KIAA0825: variants seen among roughly 807,000 people sequenced by gnomAD.
KIAA0825 encodes the protein uncharacterized protein KIAA0825.
A neutral mutation model predicts 147.6 loss-of-function variants in KIAA0825; 119 were observed. That is an observed-to-expected ratio of 0.81 (90% CI 0.69 to 0.94). The LOEUF is 0.94. Among genes scored for constraint, KIAA0825 ranks in the 40% least tolerant of loss-of-function variants. The pLI is 0.00. For synonymous variants in KIAA0825, 470 were observed against 518.1 expected (o/e 0.91, Z 1.26); for missense variants, 1,381 against 1,472.7 (o/e 0.94, Z 1.02).
intron 20 of KIAA0825, among the ~76,000 whole-genome samples, chr5:94,370,723 A>G (rs1414220318): frequency 6.6e-6 from 1 of 152,032 alleles, no homozygotes; most frequent in Non-Finnish European, 1.5e-5. Context: ...TGGCTAACAC[A>G]GTGAAACCCC....
Position 94,543,448 on chromosome 5 carries a change from A to G in KIAA0825, c.-1-6321T>C, listed in dbSNP as rs1773730572. On this transcript the variant is annotated intron_variant, in intron 2 of 20. Coordinates refer to ENST00000682413, the MANE Select transcript of KIAA0825 (RefSeq NM_001145678.3). ...ACAGAGTGAGACTCTGTCTCAATAA[A>G]TAAGTAAATAAATAAAAATAAAAAT... Among the ~76,000 whole-genome samples the G allele has an allele frequency of 2.6e-5, 4 of 152,268 alleles. No individual in the cohort carries two copies. The South Asian group carries it at 8.3e-4, about 32-fold the overall frequency.
chr5:94,453,664 C>T (rs1005900322), intron 12 of KIAA0825, among the ~76,000 whole-genome samples: 3 of 152,050 alleles, frequency 2.0e-5, no homozygotes, highest in Non-Finnish European at 2.9e-5. Context: ...ACAATCTTTA[C>T]ACTTGGGGAA....
intron 20 of KIAA0825, among the ~76,000 whole-genome samples, chr5:94,175,642 C>T (rs896119186): frequency 2.0e-5 from 3 of 152,132 alleles, no homozygotes; most frequent in Admixed American, 1.3e-4. Flanking sequence ...ATTCTAACTT[C>T]AAATGTAACA....
intron 5 of KIAA0825, among the ~76,000 whole-genome samples, chr5:94,492,039 T>C (rs1763794413): frequency 6.6e-6 from 1 of 152,304 alleles, no homozygotes; most frequent in Non-Finnish European, 1.5e-5. Flanking sequence ...TGAATGTAAA[T>C]GAATCTGATT....
intron 20 of KIAA0825, among the ~76,000 whole-genome samples, chr5:94,269,179 C>T (rs1050492876): frequency 3.9e-5 from 6 of 152,018 alleles, no homozygotes; most frequent in African/African-American, 1.5e-4. Context: ...TCCGTAAAGA[C>T]ATAATACATT....
chr5:94,414,546 C>T (rs1475034910), intron 15 of KIAA0825: 1 of 152,108 alleles, frequency 6.6e-6, no homozygotes, highest in Non-Finnish European at 1.5e-5. Flanking sequence ...GTCATCCCTC[C>T]CTAGCTTATG....
At chr5:94,439,841 G>C (rs966855931) in intron 14 of KIAA0825, 141 bp downstream of exon 14, 24 of 810,350 alleles carry the variant, frequency 3.0e-5, no homozygotes, top group Non-Finnish European at 4.5e-5. Flanking sequence ...TAATGCTTTT[G>C]ACTGCTGCTA....
At chr5:94,391,804 C>T (rs753614711) in intron 17 of KIAA0825, 110 bp from the exon 18 acceptor site, 2 of 929,602 alleles carry the variant, frequency 2.2e-6, no homozygotes, top group Admixed American at 3.2e-5. Context: ...TTCAAAGCAT[C>T]CATAAAGACT....
intron 13 of KIAA0825, among the ~76,000 whole-genome samples, chr5:94,441,606 G>A (rs190032508): frequency 2.0e-5 from 3 of 152,264 alleles, no homozygotes; most frequent in Admixed American, 1.3e-4. Flanking sequence ...CTAAGAAGAG[G>A]CTGGAGAGTT....
At chr5:94,491,044 A>C (rs932938613) in intron 5 of KIAA0825, among the ~76,000 whole-genome samples, 3 of 152,148 alleles carry the variant, frequency 2.0e-5, no homozygotes, top group Non-Finnish European at 4.4e-5. Flanking sequence ...GTGGTAAGAT[A>C]CAAGAGAAAA....
rs1433236730 is a variant in KIAA0825, at chr5:94,154,055, A to G, written c.3780T>C (p.Ile1260=). The change falls in exon 21 of 21, where the codon ATT becomes ATC. Residue 1260 remains isoleucine (I), a synonymous_variant. Transcript: ENST00000682413. ...EKAILEHLKQ[I]CTPQNSSASD... ...AGGCAGAAGAGTTCTGTGGGGTGCA[A>G]ATTTGTTTTAAGTGCTCCAGTATTG... The G allele has an allele frequency of 8.4e-6, 13 of 1,551,634 alleles. No homozygotes were observed. The highest frequency in any genetic ancestry group is 1.4e-5 in the African/African-American group (1 of 73,152).
intron 2 of KIAA0825, among the ~76,000 whole-genome samples, chr5:94,553,449 A>C (rs1362458703): frequency 6.6e-6 from 1 of 150,432 alleles, no homozygotes; most frequent in Non-Finnish European, 1.5e-5. Flanking sequence ...TAAAAAAAAA[A>C]AGAAAAAAAA....
chr5:94,419,218 T>C (rs1035710748), intron 14 of KIAA0825, among the ~76,000 whole-genome samples: 1 of 152,204 alleles, frequency 6.6e-6, no homozygotes, highest in Non-Finnish European at 1.5e-5. Context: ...GGATTTCTGT[T>C]ACTTGCAGTC....
intron 1 of KIAA0825, among the ~76,000 whole-genome samples, chr5:94,595,495 A>AT (rs1299092934): frequency 6.6e-6 from 1 of 151,784 alleles, no homozygotes; most frequent in Non-Finnish European, 1.5e-5. Context: ...CCACGAAACC[A>AT]TTTTTTCCTC....
intron 5 of KIAA0825, among the ~76,000 whole-genome samples, chr5:94,507,203 A>G (rs945822270): frequency 6.6e-6 from 1 of 152,216 alleles, no homozygotes; most frequent in African/African-American, 2.4e-5. Flanking sequence ...TAATCCCAGC[A>G]CTTTGGAAGG....
chr5:94,433,353 C>T (rs1755943944), intron 14 of KIAA0825, among the ~76,000 whole-genome samples: 1 of 152,206 alleles, frequency 6.6e-6, no homozygotes, highest in Non-Finnish European at 1.5e-5. Context: ...GCAACAGTTA[C>T]TTGCTAATGG....
At chr5:94,606,127 G>A (rs200134797) in intron 1 of KIAA0825, among the ~76,000 whole-genome samples, 2 of 151,930 alleles carry the variant, frequency 1.3e-5, no homozygotes, top group African/African-American at 4.8e-5. Flanking sequence ...ACCAAACTGA[G>A]AGCCAAATCA....
At chr5:94,605,498 T>C (rs1787335794) in intron 1 of KIAA0825, among the ~76,000 whole-genome samples, 1 of 152,124 alleles carries the variant, frequency 6.6e-6, no homozygotes, top group Admixed American at 6.5e-5. Context: ...TAGCTGAACA[T>C]CAGTGCAAAA....
intron 7 of KIAA0825, among the ~76,000 whole-genome samples, chr5:94,476,309 T>C (rs1438626090): frequency 2.0e-5 from 3 of 152,132 alleles, no homozygotes; most frequent in Non-Finnish European, 4.4e-5. Context: ...ACATGGACTG[T>C]GAAGCAGGCC....
Sources: gnomAD v4.1 joint callset for allele counts (sites outside exome capture counted in the v4.1 genomes callset) on GRCh38, gnomAD v4.1.1 for gene constraint, MANE v1.5 for transcripts, NCBI Gene and HGNC (gene_info 2026-07-23, HGNC 2026-07-21) for gene names.